Variants in TMOD1 observed in about 807,000 individuals in gnomAD.
TMOD1 encodes the protein tropomodulin 1, also known as tropomodulin-1.
In TMOD1, 17 loss-of-function variants were observed where a neutral mutation model predicts 40.6. That is an observed-to-expected ratio of 0.42 (90% CI 0.29 to 0.63). TMOD1 has a LOEUF of 0.63. Ranked by LOEUF, TMOD1 falls within the 20% of genes least tolerant of loss-of-function variation. The pLI is 0.22. For synonymous variants in TMOD1, 181 were observed against 175.0 expected (o/e 1.03, Z -0.27); for missense variants, 391 against 447.6 (o/e 0.87, Z 1.14).
chr9:97,581,603 T>C (rs1474683306), intron 8 of TMOD1, among the ~76,000 whole-genome samples: 1 of 150,644 alleles, frequency 6.6e-6, no homozygotes, highest in Non-Finnish European at 1.5e-5. Flanking sequence ...TAGTTTACAG[T>C]CCCACCAACA....
In TMOD1 at chr9:97,557,518, A is replaced by G. The variant is rs1587941131; in HGVS notation, c.397+4118A>G. 1.3e-5 allele frequency among the ~76,000 whole-genome samples: 2 copies of G among 152,034 alleles called. No homozygotes were observed. Among genetic ancestry groups the G allele is most frequent in the Non-Finnish European group, 2.9e-5 (2 of 67,990 alleles). On this transcript the variant is annotated intron_variant, in intron 4 of 9. Coordinates refer to ENST00000259365, the MANE Select transcript of TMOD1 (RefSeq NM_003275.4). This position sits in a 1 kb window ranked among gnomAD's most constrained non-coding sequence, Gnocchi z 4.4. The stretch of plus-strand genomic sequence containing the variant: ...TATCAGAGACAGGCTTAGCCAGGCC[A>G]CCCCCTGGCTTCTGGCTACTTCCGT...
At chr9:97,510,686 T>C (rs1829681857) in intron 1 of TMOD1, among the ~76,000 whole-genome samples, 1 of 152,176 alleles carries the variant, frequency 6.6e-6, no homozygotes, top group Non-Finnish European at 1.5e-5. Flanking sequence ...GAGACAGAGA[T>C]GTTTGTCCTC....
intron 4 of TMOD1, among the ~76,000 whole-genome samples, chr9:97,560,305 G>A (rs1262095919): frequency 6.6e-6 from 1 of 152,124 alleles, no homozygotes; most frequent in African/African-American, 2.4e-5. Context: ...ACCAGGTGCT[G>A]TGGGAGAATT....
At chr9:97,539,120 C>A (rs1418219486) in intron 2 of TMOD1, among the ~76,000 whole-genome samples, 1 of 152,204 alleles carries the variant, frequency 6.6e-6, no homozygotes, top group South Asian at 2.1e-4. Context: ...CCTGGTTACT[C>A]CAATTTTTTT....
At chr9:97,579,593 G>T (rs1825698395) in intron 8 of TMOD1, among the ~76,000 whole-genome samples, 1 of 152,170 alleles carries the variant, frequency 6.6e-6, no homozygotes, top group Non-Finnish European at 1.5e-5. Context: ...GCTACCAGTG[G>T]CTATCAAGCA....
At chr9:97,558,977 G>A (rs1417055593) in intron 4 of TMOD1, among the ~76,000 whole-genome samples, 1 of 152,188 alleles carries the variant, frequency 6.6e-6, no homozygotes, top group African/African-American at 2.4e-5. Context: ...CAGCAGTCTC[G>A]TGTAACTTCA....
At position 97,601,038 on chromosome 9, in the gene TMOD1, A is replaced by C; in HGVS notation, c.*1340A>C. The C allele has an allele frequency of 3.1e-6, 4 of 1,303,292 alleles. No homozygotes were observed. In the South Asian group the frequency reaches 3.7e-5, roughly 12 times the overall value. The allele number at this position is 1,303,292 out of a possible 1,614,324, so 80.7% of individuals were successfully genotyped here. A position where few individuals can be genotyped will look rare whatever the true frequency, so the allele number is the denominator to read the frequency against. ...GTGATGAAAAGGTGAAGGCCTGCGC[A>C]CTGAACTGTAAGGCAGTGGGCAGTA... On this transcript the variant is annotated 3_prime_UTR_variant, in exon 10 of 10. Transcript: ENST00000259365.
Position 97,547,214 on chromosome 9 carries a change from C to A in TMOD1, c.277+873C>A, listed in dbSNP as rs147536011. On this transcript the variant is annotated intron_variant, in intron 3 of 9. Transcript: ENST00000259365. ...CCGTTGCTCTCCAAACCCTCTGCCC[C>A]CCTCCAATATCCCCCTCATCCCATT... 6.1e-3 allele frequency among the ~76,000 whole-genome samples: 918 copies of A among 151,694 alleles called. 11 individuals carry two copies. The highest frequency in any genetic ancestry group is 0.021 in the African/African-American group (865 of 41,392).
At chr9:97,534,748 G>A (rs559113679) in intron 2 of TMOD1, among the ~76,000 whole-genome samples, 129 of 152,346 alleles carry the variant, frequency 8.5e-4, no homozygotes, top group African/African-American at 3.1e-3. Context: ...TAGGGAGAGA[G>A]ATACAGCATA....
intron 9 of TMOD1, among the ~76,000 whole-genome samples, chr9:97,597,288 T>G (rs981270436): frequency 6.6e-6 from 1 of 152,228 alleles, no homozygotes; most frequent in Non-Finnish European, 1.5e-5. Context: ...TATTCGTAAC[T>G]TGGAATAAGT....
intron 8 of TMOD1, among the ~76,000 whole-genome samples, chr9:97,590,334 C>A (rs1288117882): frequency 6.6e-6 from 1 of 152,138 alleles, no homozygotes; most frequent in Non-Finnish European, 1.5e-5. Context: ...AGCCATTCTC[C>A]TGCCTCAGCC....
chr9:97,593,075 C>T (rs1366533701), intron 9 of TMOD1, among the ~76,000 whole-genome samples: 1 of 152,196 alleles, frequency 6.6e-6, no homozygotes, highest in Non-Finnish European at 1.5e-5. Flanking sequence ...AGAAGCCTTG[C>T]GTTTCTATTC....
In TMOD1 at chr9:97,567,972, G is replaced by A. The variant is rs183773819; in HGVS notation, c.727-922G>A. Among the ~76,000 whole-genome samples the A allele has an allele frequency of 4.0e-4, 61 of 152,234 alleles. 1 individual carries two copies. The highest frequency in any genetic ancestry group is 7.4e-5 in the Non-Finnish European group (5 of 68,022). On this transcript the variant is annotated intron_variant, in intron 7 of 9. Coordinates refer to ENST00000259365, the MANE Select transcript of TMOD1 (RefSeq NM_003275.4). ...CCATGACGCATCGTTTCCACCAACT[G>A]CTAATTATCTCATTTCCTTCAGAGG...
At chr9:97,549,901 T>C (rs1003506675) in intron 3 of TMOD1, among the ~76,000 whole-genome samples, 4 of 152,182 alleles carry the variant, frequency 2.6e-5, no homozygotes, top group Admixed American at 2.6e-4. Flanking sequence ...TAGGTTTTTG[T>C]AAATTGAGGT....
intron 2 of TMOD1, among the ~76,000 whole-genome samples, chr9:97,529,588 G>A (rs530345016): frequency 2.0e-5 from 3 of 151,742 alleles, no homozygotes; most frequent in Admixed American, 6.6e-5. Flanking sequence ...GGAAAAACTC[G>A]AGCTTATCAT....
At chr9:97,522,704 G>A (rs1829936255) in intron 1 of TMOD1, among the ~76,000 whole-genome samples, 2 of 152,010 alleles carry the variant, frequency 1.3e-5, no homozygotes, top group African/African-American at 4.8e-5. Context: ...TGGGACTATA[G>A]GTGCTGCACG....
intron 8 of TMOD1, among the ~76,000 whole-genome samples, chr9:97,581,473 A>G (rs1374016185): frequency 6.6e-6 from 1 of 152,054 alleles, no homozygotes; most frequent in Non-Finnish European, 1.5e-5. Flanking sequence ...AGGTGTCTTT[A>G]TAGCAGCATG....
At chr9:97,569,385 T>A (rs1014721276) in intron 8 of TMOD1, among the ~76,000 whole-genome samples, 2 of 152,216 alleles carry the variant, frequency 1.3e-5, no homozygotes, top group Non-Finnish European at 2.9e-5. Flanking sequence ...AGCTCTGTTC[T>A]CTGCTTCACT....
intron 4 of TMOD1, among the ~76,000 whole-genome samples, chr9:97,559,746 C>T (rs1380266579): frequency 1.5e-5 from 2 of 130,932 alleles, no homozygotes; most frequent in Non-Finnish European, 3.1e-5. Flanking sequence ...GCCTGTGCCA[C>T]AGAGCGAGAC....
Sources: allele counts gnomAD v4.1 joint callset (sites outside exome capture counted in the v4.1 genomes callset), GRCh38; gene constraint gnomAD v4.1.1; non-coding constraint Gnocchi (gnomAD v3.1); transcripts MANE v1.5; gene names NCBI Gene and HGNC (gene_info 2026-07-23, HGNC 2026-07-21).